The following GTF2B variants were observed in gnomAD, a reference collection of about 807,000 sequenced individuals.
GTF2B encodes the protein transcription initiation factor IIB.
A neutral mutation model predicts 34.6 loss-of-function variants in GTF2B; 20 were observed. The observed-to-expected ratio is 0.58, with a 90% confidence interval of 0.41 to 0.84. The LOEUF is 0.84. Ranked by LOEUF, GTF2B falls within the 40% of genes least tolerant of loss-of-function variation. The probability of loss-of-function intolerance (pLI) is 0.00; values close to 1 mark genes in which losing one functional copy is unlikely to be tolerated. For missense variants in GTF2B, 237 were observed against 393.3 expected (o/e 0.60, Z 3.36); for synonymous variants, 142 against 132.4 (o/e 1.07, Z -0.50).
At chr1:88,869,996 C>A (rs546075883) in intron 2 of GTF2B, among the ~76,000 whole-genome samples, 1 of 151,172 alleles carries the variant, frequency 6.6e-6, no homozygotes, top group Admixed American at 6.6e-5. Context: ...GGCACAATCT[C>A]GGCTCACTGC....
At chr1:88,866,974 C>T (rs1179316750) in intron 2 of GTF2B, among the ~76,000 whole-genome samples, 1 of 152,162 alleles carries the variant, frequency 6.6e-6, no homozygotes, top group Non-Finnish European at 1.5e-5. Flanking sequence ...GTTTCCTCTT[C>T]CTCATAATAA....
chr1:88,870,823 T>C (rs932624922), intron 2 of GTF2B, among the ~76,000 whole-genome samples: 1 of 152,000 alleles, frequency 6.6e-6, no homozygotes, highest in African/African-American at 2.4e-5. Flanking sequence ...ACTCTAAGTA[T>C]CTTAAATAGG....
In GTF2B at chr1:88,887,338, G is replaced by T. The variant is rs1156309703; in HGVS notation, c.47C>A (p.Pro16Gln). The T allele has an allele frequency of 1.2e-6, 2 of 1,610,838 alleles. No homozygotes were observed. The highest frequency in any genetic ancestry group is 1.7e-6 in the Non-Finnish European group (2 of 1,177,192). Residue 16 changes from proline to glutamine, a missense_variant, in exon 2 of 7, where the codon CCA (proline) becomes CAA (glutamine). Around this residue, in one of 3 missense-constraint regions of GTF2B, gnomAD observed 130 missense variants for 170.9 expected, o/e 0.76. Coordinates refer to ENST00000370500, the MANE Select transcript of GTF2B (RefSeq NM_001514.6). The stretch of plus-strand genomic sequence containing the variant: ...CACTAAAATCGCATCTGGATGGTTT[G>T]GACATGTGACTCTTGGAAGAGCATC... ...RLDALPRVTC[P>Q]NHPDAILVED...
intron 6 of GTF2B, among the ~76,000 whole-genome samples, chr1:88,855,478 G>A (rs866930172): frequency 3.5e-4 from 51 of 147,332 alleles, no homozygotes; most frequent in African/African-American, 1.0e-3. Context: ...TTAGCCTCCC[G>A]AGTAGCTGGG....
At position 88,860,003 on chromosome 1, in the gene GTF2B, T is replaced by TCGAGGTAGATTGATTCTGTCTGCCATG; in HGVS notation, c.413_414insCATGGCAGACAGAATCAATCTACCTCG (p.Thr138_Asn139insMetAlaAspArgIleAsnLeuProArg). The TCGAGGTAGATTGATTCTGTCTGCCATG allele has an allele frequency of 6.2e-7, 1 of 1,613,908 alleles. No homozygotes were observed. Among genetic ancestry groups the TCGAGGTAGATTGATTCTGTCTGCCATG allele is most frequent in the Non-Finnish European group, 8.5e-7 (1 of 1,179,832 alleles). On this transcript the variant is annotated inframe_insertion, in exon 5 of 7. Transcript: ENST00000370500. ...CATATACTTGCTTGAATAAATTATT[T>TCGAGGTAGATTGATTCTGTCTGCCATG]GTTCGATCCTTCAAAGCAGAGAAAC...
chr1:88,879,600 G>GT (rs1215321835), intron 2 of GTF2B, among the ~76,000 whole-genome samples: 2 of 135,858 alleles, frequency 1.5e-5, no homozygotes, highest in East Asian at 2.2e-4. Flanking sequence ...AAAAAAAAAA[G>GT]TAATAGTAAT....
intron 2 of GTF2B, among the ~76,000 whole-genome samples, chr1:88,868,166 G>A (rs1360130254): frequency 6.6e-6 from 1 of 152,200 alleles, no homozygotes; most frequent in African/African-American, 2.4e-5. Flanking sequence ...AGAAAGCTGC[G>A]AGACAAAACT....
At chr1:88,886,926 A>T (rs60587458) in intron 2 of GTF2B, among the ~76,000 whole-genome samples, 21,014 of 145,508 alleles carry the variant, frequency 0.14, 3,215 homozygotes, top group African/African-American at 0.42. Flanking sequence ...TATTATTATT[A>T]TTTTTTTTTT....
At chr1:88,858,283 G>A (rs750599738) in intron 5 of GTF2B, among the ~76,000 whole-genome samples, 1 of 152,148 alleles carries the variant, frequency 6.6e-6, no homozygotes, top group Non-Finnish European at 1.5e-5. Flanking sequence ...ACCGGTGTGA[G>A]CCATCGTGCC....
At chr1:88,884,638 ATTCTT>A (rs1319107272) in intron 2 of GTF2B, among the ~76,000 whole-genome samples, 1 of 152,208 alleles carries the variant, frequency 6.6e-6, no homozygotes, top group Non-Finnish European at 1.5e-5. Context: ...CCTCAGTTTC[ATTCTT>A]TTATTTTTGT....
rs192069801 is a variant in GTF2B, at chr1:88,870,029, G to A, written c.125-5915C>T. ...TGCAAGCTCCACCTCCCTGGTTCAC[G>A]CCCTTCTCCTGCCTCAGCCTCCCGA... On this transcript the variant is annotated intron_variant, in intron 2 of 6. Coordinates refer to ENST00000370500, the MANE Select transcript of GTF2B (RefSeq NM_001514.6). Among the ~76,000 whole-genome samples the A allele has an allele frequency of 6.7e-4, 101 of 151,564 alleles. 1 individual carries two copies. The highest frequency in any genetic ancestry group is 2.3e-3 in the African/African-American group (95 of 41,268).
chr1:88,862,508 G>T (rs1016933594), intron 3 of GTF2B, among the ~76,000 whole-genome samples: 1 of 152,150 alleles, frequency 6.6e-6, no homozygotes, highest in African/African-American at 2.4e-5. Context: ...AGCTACTGCT[G>T]CACTCCCACC....
chr1:88,855,440 C>A (rs1324108598), intron 6 of GTF2B, among the ~76,000 whole-genome samples: 1 of 150,704 alleles, frequency 6.6e-6, no homozygotes, highest in Non-Finnish European at 1.5e-5. Flanking sequence ...GCAACCTCTG[C>A]CTCCCAAGTT....
At chr1:88,858,437 T>C (rs1011767839) in intron 5 of GTF2B, among the ~76,000 whole-genome samples, 1 of 152,176 alleles carries the variant, frequency 6.6e-6, no homozygotes. Flanking sequence ...TGAAAGAAAA[T>C]ACTCAAGCTA....
intron 2 of GTF2B, among the ~76,000 whole-genome samples, chr1:88,864,914 T>G (rs1673514809): frequency 6.6e-6 from 1 of 152,210 alleles, no homozygotes; most frequent in Non-Finnish European, 1.5e-5. Context: ...ACTTTACAAA[T>G]AAGATTAACT....
intron 2 of GTF2B, among the ~76,000 whole-genome samples, chr1:88,884,096 C>G (rs60138275): frequency 6.8e-6 from 1 of 148,044 alleles, no homozygotes; most frequent in Non-Finnish European, 1.5e-5. Flanking sequence ...GGTGCAATCT[C>G]GGCTCACTGC....
chr1:88,878,313 T>C (rs953649174), intron 2 of GTF2B, among the ~76,000 whole-genome samples: 1 of 152,186 alleles, frequency 6.6e-6, no homozygotes, highest in South Asian at 2.1e-4. Flanking sequence ...TTAGAGTCAC[T>C]ACCAGTATCT....
chr1:88,856,246 G>A (rs116221944), intron 6 of GTF2B, among the ~76,000 whole-genome samples: 2,797 of 113,850 alleles, frequency 0.025, 91 homozygotes, highest in African/African-American at 0.082. Context: ...TCCAGCCTGC[G>A]CAACAGAGGG....
intron 2 of GTF2B, among the ~76,000 whole-genome samples, chr1:88,869,219 A>C (rs1673631453): frequency 6.6e-6 from 1 of 152,196 alleles, no homozygotes; most frequent in Non-Finnish European, 1.5e-5. Context: ...TGATGATTTA[A>C]AGTATATGGG....
Sources: allele counts gnomAD v4.1 joint callset (sites outside exome capture counted in the v4.1 genomes callset), GRCh38; gene constraint gnomAD v4.1.1; regional missense constraint gnomAD v4.1.1; transcripts MANE v1.5; gene names NCBI Gene and HGNC (gene_info 2026-07-23, HGNC 2026-07-21).